Variants in PARD3B observed in about 807,000 individuals in gnomAD.
PARD3B encodes partitioning defective 3 homolog B.
PARD3B carries 103 observed loss-of-function variants against 130.2 expected under a neutral mutation model. The ratio of observed to expected loss-of-function variants is 0.79; its 90% CI spans 0.67 to 0.93. The LOEUF is 0.93. Among genes scored for constraint, PARD3B ranks in the 40% least tolerant of loss-of-function variants. The pLI is 0.00. For synonymous variants in PARD3B, 583 were observed against 553.2 expected, an observed-to-expected ratio of 1.05 and a Z score of -0.76; for missense variants, 1,609 against 1,499.2, an observed-to-expected ratio of 1.07 and a Z score of -1.21.
At chr2:205,367,874 C>G in intron 18 of PARD3B, among the ~76,000 whole-genome samples, 1 of 152,196 alleles carries the variant, frequency 6.6e-6, no homozygotes, top group East Asian at 1.9e-4. Context: ...GTCTACTGAT[C>G]CTTTCCCCTT....
At chr2:204,977,155 G>A (rs1199146677) in intron 3 of PARD3B, among the ~76,000 whole-genome samples, 1 of 152,112 alleles carries the variant, frequency 6.6e-6, no homozygotes, top group Non-Finnish European at 1.5e-5. Context: ...TTACCACAAA[G>A]GTTTCAAATA....
chr2:204,999,606 C>G (rs1003915922), intron 3 of PARD3B, among the ~76,000 whole-genome samples: 2 of 152,168 alleles, frequency 1.3e-5, no homozygotes, highest in African/African-American at 4.8e-5. Flanking sequence ...AATTCCAGAG[C>G]CACAATCCCA....
chr2:204,885,612 A>G (rs1271774638), intron 2 of PARD3B, among the ~76,000 whole-genome samples: 1 of 152,238 alleles, frequency 6.6e-6, no homozygotes, highest in East Asian at 1.9e-4. Context: ...TCATTGATAA[A>G]TGGAAACTTT....
chr2:205,004,739 T>C (rs76982060), intron 3 of PARD3B, among the ~76,000 whole-genome samples: 5,018 of 152,314 alleles, frequency 0.033, 272 homozygotes, highest in African/African-American at 0.11. Context: ...TTCAAATATG[T>C]GAGGGCAACT....
At chr2:204,705,300 A>G (rs7562459) in intron 2 of PARD3B, among the ~76,000 whole-genome samples, 6,637 of 152,210 alleles carry the variant, frequency 0.044, 402 homozygotes, top group East Asian at 0.14. Flanking sequence ...GGGAAAGGAG[A>G]CAGTAAGCAA....
chr2:204,866,725 G>A (rs964656863), intron 2 of PARD3B, among the ~76,000 whole-genome samples: 9 of 151,478 alleles, frequency 5.9e-5, no homozygotes, highest in Admixed American at 1.3e-4. Flanking sequence ...GTGTGTGTGT[G>A]TATATATATA....
chr2:205,186,919 A>T (rs570577467), intron 14 of PARD3B, among the ~76,000 whole-genome samples: 2 of 152,322 alleles, frequency 1.3e-5, no homozygotes, highest in Non-Finnish European at 2.9e-5. Context: ...TTTAAAACAT[A>T]ATTTCATTTG....
At chr2:204,889,432 G>T (rs2046371897) in intron 2 of PARD3B, among the ~76,000 whole-genome samples, 1 of 152,112 alleles carries the variant, frequency 6.6e-6, no homozygotes, top group South Asian at 2.1e-4. Context: ...CATTTGCAGG[G>T]CCCAATGCAA....
rs2037264575 is a variant in PARD3B at position 204,689,661 on chromosome 2, T to G, written c.222+3379T>G. On this transcript the variant is annotated intron_variant, in intron 2 of 22. Transcript: ENST00000406610. This position sits in a 1 kb window ranked among gnomAD's most constrained non-coding sequence, Gnocchi z 5.2. The stretch of plus-strand genomic sequence containing the variant: ...GAATGTCTTTGGCCCTTATTTATTC[T>G]ACGTTATTTTAAAGCAATCCTGAAG... 6.6e-6 allele frequency among the ~76,000 whole-genome samples: 1 copy of G among 152,274 alleles called. No homozygotes were observed. The highest frequency in any genetic ancestry group is 1.9e-4 in the East Asian group (1 of 5,166).
In PARD3B at chr2:204,793,803, G is replaced by A. The variant is rs1026133824; in HGVS notation, c.222+107521G>A. Among the ~76,000 whole-genome samples the A allele has an allele frequency of 2.6e-5, 4 of 152,114 alleles. 1 individual carries two copies. Among genetic ancestry groups the A allele is most frequent in the Admixed American group, 1.3e-4 (2 of 15,278 alleles). Reference sequence around the variant, plus strand: ...ATTACAGGTGTGAGCCACCACGCCCGGCCATCATTGACCTTTTTCAGTATA... The same window carrying A: ...ATTACAGGTGTGAGCCACCACGCCCAGCCATCATTGACCTTTTTCAGTATA... On this transcript the variant is annotated intron_variant, in intron 2 of 22. Transcript: ENST00000406610.
chr2:205,586,495 G>A (rs1276580102), intron 22 of PARD3B, among the ~76,000 whole-genome samples: 2 of 152,208 alleles, frequency 1.3e-5, no homozygotes, highest in East Asian at 3.9e-4. Context: ...CAGATATTTC[G>A]TTCCTTATGG....
chr2:204,959,757 C>T (rs961224846), intron 2 of PARD3B, among the ~76,000 whole-genome samples: 1 of 152,148 alleles, frequency 6.6e-6, no homozygotes, highest in Non-Finnish European at 1.5e-5. Context: ...CCTTTCAGAT[C>T]GCCCCTGGGA....
At chr2:204,763,288 T>C (rs1024666277) in intron 2 of PARD3B, among the ~76,000 whole-genome samples, 7 of 152,172 alleles carry the variant, frequency 4.6e-5, no homozygotes, top group Non-Finnish European at 8.8e-5. Flanking sequence ...TCTGCTACCT[T>C]AAGTTATTAT....
rs982707254 is a variant in PARD3B, at chr2:205,140,944, C to T, written c.1434+15207C>T. On this transcript the variant is annotated intron_variant, in intron 10 of 22. Coordinates refer to ENST00000406610, the MANE Select transcript of PARD3B (RefSeq NM_001302769.2). Reference sequence around the variant, plus strand: ...TTTTGCATTGCTGAAATATGGCTGCCTTTATAAATCATACATGTTTGTTTA... The same window carrying T: ...TTTTGCATTGCTGAAATATGGCTGCTTTTATAAATCATACATGTTTGTTTA... Among the ~76,000 whole-genome samples, 8 of 152,140 alleles carry T rather than the reference C, an allele frequency of 5.3e-5. 1 individual carries two copies. The highest frequency in any genetic ancestry group is 1.0e-4 in the Non-Finnish European group (7 of 68,004).
At chr2:204,691,128 C>G (rs1359411045) in intron 2 of PARD3B, among the ~76,000 whole-genome samples, 1 of 152,090 alleles carries the variant, frequency 6.6e-6, no homozygotes, top group African/African-American at 2.4e-5. Flanking sequence ...AAGCTTAATG[C>G]TTCCTTCCTT....
chr2:204,708,870 A>G (rs79873148), intron 2 of PARD3B, among the ~76,000 whole-genome samples: 2,000 of 152,276 alleles, frequency 0.013, 54 homozygotes, highest in African/African-American at 0.045. Flanking sequence ...TAGAAATTTT[A>G]AAATGCCTTT....
At chr2:205,072,598 G>C (rs1700809498) in intron 4 of PARD3B, among the ~76,000 whole-genome samples, 1 of 152,106 alleles carries the variant, frequency 6.6e-6, no homozygotes, top group Non-Finnish European at 1.5e-5. Flanking sequence ...TTTCATATCA[G>C]TGGTTCACAA....
At chr2:205,056,007 A>T (rs1699607711) in intron 4 of PARD3B, among the ~76,000 whole-genome samples, 1 of 152,126 alleles carries the variant, frequency 6.6e-6, no homozygotes, top group South Asian at 2.1e-4. Flanking sequence ...AGTTAAGGGT[A>T]TGGGTTGTGT....
intron 1 of PARD3B, among the ~76,000 whole-genome samples, chr2:204,648,908 T>C (rs1255426907): frequency 1.6e-4 from 6 of 37,556 alleles, no homozygotes; most frequent in South Asian, 1.8e-3. Flanking sequence ...AATATATATT[T>C]ATAATATATA....
Sources: allele counts gnomAD v4.1 joint callset (sites outside exome capture counted in the v4.1 genomes callset), GRCh38; gene constraint gnomAD v4.1.1; non-coding constraint Gnocchi (gnomAD v3.1); transcripts MANE v1.5; gene names NCBI Gene and HGNC (gene_info 2026-07-23, HGNC 2026-07-21).